PHACTR1: variants seen among roughly 807,000 people sequenced by gnomAD.
PHACTR1 encodes the protein RPEL repeat containing 1.
PHACTR1 carries 16 observed loss-of-function variants against 69.2 expected under a neutral mutation model. The ratio of observed to expected loss-of-function variants is 0.23; its 90% CI spans 0.16 to 0.35. The LOEUF is 0.35. Among genes scored for constraint, PHACTR1 ranks in the 10% least tolerant of loss-of-function variants. The pLI, the probability that PHACTR1 is intolerant of heterozygous loss-of-function variation, is 1.00. For synonymous variants in PHACTR1, 312 were observed against 284.5 expected (o/e 1.10, Z -0.97); for missense variants, 510 against 734.7 (o/e 0.69, Z 3.54).
At chr6:13,277,960 A>AG (rs911417635) in intron 11 of PHACTR1, 1 of 181,536 alleles carries the variant, frequency 5.5e-6, no homozygotes, top group African/African-American at 2.4e-5. Context: ...AAAAAAAAAA[A>AG]AAACCTACCT....
At chr6:13,195,779 A>AAAAAAAAAAAAAAAAAAAAAAATAG (rs201554952) in intron 7 of PHACTR1, among the ~76,000 whole-genome samples, 1 of 118,556 alleles carries the variant, frequency 8.4e-6, no homozygotes, top group Non-Finnish European at 1.8e-5. Context: ...AAAAAAAAAA[A>AAAAAAAAAAAAAAAAAAAAAAATAG]AGTTCATTTG....
intron 4 of PHACTR1, among the ~76,000 whole-genome samples, chr6:12,832,563 G>A (rs2127730397): frequency 1.3e-5 from 2 of 152,052 alleles, no homozygotes; most frequent in East Asian, 3.9e-4. Flanking sequence ...TGGTAACTGG[G>A]ACACAAATAC....
At chr6:12,911,900 CAAT>C (rs1458365383) in intron 4 of PHACTR1, among the ~76,000 whole-genome samples, 8 of 152,160 alleles carry the variant, frequency 5.3e-5, no homozygotes, top group African/African-American at 1.2e-4. Flanking sequence ...GAAAACAAAT[CAAT>C]CAAAGAGGAA....
chr6:13,069,573 G>A (rs573819473), intron 5 of PHACTR1, among the ~76,000 whole-genome samples: 26 of 151,808 alleles, frequency 1.7e-4, no homozygotes, highest in Admixed American at 7.9e-4. Context: ...TTTCTTCCTC[G>A]GCTCTGGTTT....
intron 8 of PHACTR1, 121 bp from the exon 9 acceptor site, chr6:13,227,695 A>G: frequency 2.3e-6 from 3 of 1,306,892 alleles, no homozygotes; most frequent in South Asian, 2.9e-5. Flanking sequence ...ATGGAACTTT[A>G]CTTGCCCAGT....
chr6:13,068,727 A>G (rs6920793), intron 5 of PHACTR1, among the ~76,000 whole-genome samples: 98,583 of 152,102 alleles, frequency 0.65, 35,808 homozygotes, highest in East Asian at 0.93. Flanking sequence ...AGCAAACACA[A>G]TGGCCACTGA....
chr6:12,876,578 G>T (rs1387293419), intron 4 of PHACTR1, among the ~76,000 whole-genome samples: 2 of 152,180 alleles, frequency 1.3e-5, no homozygotes, highest in Non-Finnish European at 2.9e-5. Context: ...GCAAGGCCAA[G>T]CATGCAGATA....
At chr6:12,946,487 T>A (rs1329112416) in intron 4 of PHACTR1, among the ~76,000 whole-genome samples, 2 of 151,160 alleles carry the variant, frequency 1.3e-5, no homozygotes, top group Non-Finnish European at 3.0e-5. Flanking sequence ...TAAGAGAGGG[T>A]AAGGATGTGA....
chr6:12,902,957 G>C (rs1278919394), intron 4 of PHACTR1, among the ~76,000 whole-genome samples: 1 of 152,170 alleles, frequency 6.6e-6, no homozygotes, highest in Non-Finnish European at 1.5e-5. Flanking sequence ...CCGGCCCCTT[G>C]TGACTGCCTT....
chr6:12,875,853 T>C (rs910782111), intron 4 of PHACTR1, among the ~76,000 whole-genome samples: 1 of 152,120 alleles, frequency 6.6e-6, no homozygotes, highest in African/African-American at 2.4e-5. Flanking sequence ...GTGTTGCTTA[T>C]GAATCTCCAC....
intron 4 of PHACTR1, among the ~76,000 whole-genome samples, chr6:12,998,990 T>A (rs535512282): frequency 6.6e-6 from 1 of 152,338 alleles, no homozygotes; most frequent in East Asian, 1.9e-4. Flanking sequence ...GAAACTTTCA[T>A]ACACTGTTGA....
intron 4 of PHACTR1, among the ~76,000 whole-genome samples, chr6:12,828,272 G>C (rs1404766881): frequency 6.6e-6 from 1 of 152,114 alleles, no homozygotes; most frequent in Admixed American, 6.5e-5. Flanking sequence ...ACTGACTTTT[G>C]CAGTTACCTA....
chr6:13,226,957 C>T (rs971000343), intron 8 of PHACTR1, among the ~76,000 whole-genome samples: 12 of 152,160 alleles, frequency 7.9e-5, no homozygotes, highest in South Asian at 2.1e-4. Flanking sequence ...AGGATGGTCT[C>T]GATCTCTTGA....
chr6:13,066,282 G>A (rs568164380), intron 5 of PHACTR1, among the ~76,000 whole-genome samples: 78 of 152,318 alleles, frequency 5.1e-4, no homozygotes, highest in African/African-American at 1.8e-3. Context: ...ATCTGGCACA[G>A]AATAGGTACC....
intron 4 of PHACTR1, among the ~76,000 whole-genome samples, chr6:12,957,019 T>C (rs1791969629): frequency 6.6e-6 from 1 of 151,038 alleles, no homozygotes; most frequent in African/African-American, 2.4e-5. Flanking sequence ...TCAAGGAAAG[T>C]TAATTGTCAT....
At chr6:12,902,925 G>A (rs1465723530) in intron 4 of PHACTR1, among the ~76,000 whole-genome samples, 2 of 152,160 alleles carry the variant, frequency 1.3e-5, no homozygotes, top group Non-Finnish European at 2.9e-5. Flanking sequence ...TTAGGGCAAT[G>A]ACACCATTTG....
intron 6 of PHACTR1, among the ~76,000 whole-genome samples, chr6:13,174,625 A>G (rs1322163767): frequency 6.6e-6 from 1 of 152,220 alleles, no homozygotes; most frequent in Non-Finnish European, 1.5e-5. Flanking sequence ...TCACAACTAC[A>G]TGTCTTATTT....
chr6:12,748,249 A>T (rs145639463), intron 3 of PHACTR1, among the ~76,000 whole-genome samples: 129 of 152,302 alleles, frequency 8.5e-4, no homozygotes, highest in African/African-American at 3.0e-3. Flanking sequence ...GTTACTATGC[A>T]CGTGTGAAGG....
intron 3 of PHACTR1, among the ~76,000 whole-genome samples, chr6:12,730,218 C>A (rs1053701861): frequency 3.9e-5 from 6 of 152,030 alleles, no homozygotes; most frequent in Non-Finnish European, 7.4e-5. Context: ...TTCTACTGGG[C>A]CTTTTATTTT....
Sources: allele counts gnomAD v4.1 joint callset (sites outside exome capture counted in the v4.1 genomes callset), GRCh38; gene constraint gnomAD v4.1.1; transcripts MANE v1.5; gene names NCBI Gene and HGNC (gene_info 2026-07-23, HGNC 2026-07-21).